Variants in ATP10B observed in about 807,000 individuals in gnomAD.
ATP10B encodes the protein phospholipid-transporting ATPase VB.
Under a neutral mutation model 141.2 loss-of-function variants are expected in ATP10B, and 122 were observed. The observed-to-expected ratio is 0.86, with a 90% CI of 0.75 to 1.00. The LOEUF (loss-of-function observed/expected upper bound fraction) is 1.00. Among genes scored for constraint, ATP10B ranks in the 50% least tolerant of loss-of-function variants. ATP10B has a pLI of 0.00. For synonymous variants in ATP10B, 685 were observed against 692.0 expected (o/e 0.99, Z 0.16); for missense variants, 1,876 against 1,825.3 (o/e 1.03, Z -0.51).
At chr5:160,598,264 A>G (rs923583272) in intron 22 of ATP10B, among the ~76,000 whole-genome samples, 1 of 152,060 alleles carries the variant, frequency 6.6e-6, no homozygotes, top group East Asian at 1.9e-4. Context: ...GGAAATCATC[A>G]TTCTCAGTAA....
chr5:160,688,405 C>T (rs1400257504), intron 4 of ATP10B, among the ~76,000 whole-genome samples: 1 of 152,128 alleles, frequency 6.6e-6, no homozygotes. Flanking sequence ...CACTGGAATA[C>T]GTGCCATGGG....
intron 2 of ATP10B, among the ~76,000 whole-genome samples, chr5:160,763,526 C>A (rs140246394): frequency 1.3e-5 from 2 of 151,996 alleles, no homozygotes; most frequent in Non-Finnish European, 2.9e-5. Flanking sequence ...ATAATAGTGA[C>A]AAAACCTATC....
intron 7 of ATP10B, among the ~76,000 whole-genome samples, chr5:160,666,586 T>TG (rs1341785949): frequency 1.3e-5 from 2 of 152,224 alleles, no homozygotes; most frequent in Non-Finnish European, 2.9e-5. Context: ...TCATATTACT[T>TG]GGCCTTGCAA....
At position 160,686,077 on chromosome 5, in the gene ATP10B, A is replaced by T. The variant is rs1480184091; in HGVS notation, c.470+2T>A. 6.4e-7 allele frequency: 1 copy of T among 1,554,282 alleles called. No individual in the cohort carries two copies. The highest frequency in any genetic ancestry group is 1.2e-5 in the South Asian group (1 of 82,512). On this transcript the variant is annotated splice_donor_variant, in intron 6 of 25. Coordinates refer to ENST00000327245, the MANE Select transcript of ATP10B (RefSeq NM_025153.3). LOFTEE classifies it high-confidence loss of function. ...AGAGAACACAGGGATGGTTTTTCTT[A>T]CCTTTCATAAATTCGAATGTTGGAG... is the stretch of plus-strand genomic sequence containing the variant.
intron 17 of ATP10B, among the ~76,000 whole-genome samples, chr5:160,613,446 A>G (rs566805195): frequency 6.6e-6 from 1 of 152,330 alleles, no homozygotes; most frequent in East Asian, 1.9e-4. Context: ...ATTTGGTGGT[A>G]GTGAAAGTTA....
At chr5:160,919,045 G>GC in the ATP10B span, among the ~76,000 whole-genome samples, 1 of 150,442 alleles carries the variant, frequency 6.6e-6, no homozygotes, top group African/African-American at 2.5e-5. Context: ...CTAACACGGT[G>GC]AAACCCCGTC....
At chr5:160,608,538 G>T (rs953299029) in intron 18 of ATP10B, among the ~76,000 whole-genome samples, 1 of 151,984 alleles carries the variant, frequency 6.6e-6, no homozygotes, top group Non-Finnish European at 1.5e-5. Context: ...TAGTTTACAC[G>T]CCCACCGATA....
At chr5:160,642,877 G>A (rs1380138763) in intron 9 of ATP10B, among the ~76,000 whole-genome samples, 1 of 152,290 alleles carries the variant, frequency 6.6e-6, no homozygotes, top group East Asian at 1.9e-4. Flanking sequence ...AGCCCGACTA[G>A]CTGGAGCCAT....
At chr5:160,735,018 A>T (rs1383716166) in intron 2 of ATP10B, among the ~76,000 whole-genome samples, 2 of 151,798 alleles carry the variant, frequency 1.3e-5, no homozygotes, top group Non-Finnish European at 2.9e-5. Flanking sequence ...ATGAAAAGCA[A>T]GAAACTAAAT....
chr5:160,640,335 A>G lies in ATP10B; in HGVS notation c.1000+126T>C, dbSNP rs11750573. 6,548 of 1,011,094 alleles carry G rather than the reference A, an allele frequency of 6.5e-3. 37 individuals carry two copies. Among genetic ancestry groups the G allele is most frequent in the Non-Finnish European group, 8.6e-3 (6,070 of 702,688 alleles). 62.6% of individuals were successfully genotyped at this position (1,011,094 alleles called of 1,614,324 possible). A position where few individuals can be genotyped will look rare whatever the true frequency, so the allele number is the denominator to read the frequency against. On this transcript the variant is annotated intron_variant, in intron 10 of 25. Coordinates refer to ENST00000327245, the MANE Select transcript of ATP10B (RefSeq NM_025153.3). ...TCTCTTGCATTTTCATTTCATTGGC[A>G]TCCCGTTAAAGTGGGCAGGGTAGGC...
At chr5:160,709,843 G>C (rs1248566965) in intron 3 of ATP10B, among the ~76,000 whole-genome samples, 1 of 113,568 alleles carries the variant, frequency 8.8e-6, no homozygotes, top group Non-Finnish European at 1.8e-5. Flanking sequence ...TCCCACCTAT[G>C]AGTGAGAATA....
At chr5:160,729,438 A>C (rs1245649533) in intron 2 of ATP10B, among the ~76,000 whole-genome samples, 1 of 152,196 alleles carries the variant, frequency 6.6e-6, no homozygotes, top group African/African-American at 2.4e-5. Context: ...AAGGATTACA[A>C]AGATGATTAT....
At chr5:160,853,959 A>G (rs1199641691), upstream of ATP10B, among the ~76,000 whole-genome samples, 2 of 152,124 alleles carry the variant, frequency 1.3e-5, no homozygotes, top group African/African-American at 2.4e-5. Context: ...TTTTGTATGT[A>G]TTTGCATTTC....
intron 2 of ATP10B, among the ~76,000 whole-genome samples, chr5:160,770,945 A>G (rs1389153303): frequency 6.6e-6 from 1 of 152,212 alleles, no homozygotes; most frequent in East Asian, 1.9e-4. Flanking sequence ...TGGACACCAT[A>G]CACTAGGTCT....
chr5:160,754,004 G>C (rs1768342722), intron 2 of ATP10B, among the ~76,000 whole-genome samples: 1 of 152,128 alleles, frequency 6.6e-6, no homozygotes, highest in African/African-American at 2.4e-5. Context: ...TATTACAAAA[G>C]AGAAAACTGA....
At chr5:160,569,977 G>T (rs2127593887) in intron 24 of ATP10B, among the ~76,000 whole-genome samples, 1 of 152,070 alleles carries the variant, frequency 6.6e-6, no homozygotes, top group African/African-American at 2.4e-5. Flanking sequence ...AACATAGCCT[G>T]TTTTTAAATG....
intron 2 of ATP10B, among the ~76,000 whole-genome samples, chr5:160,751,853 G>T (rs1325926269): frequency 6.6e-6 from 1 of 152,166 alleles, no homozygotes; most frequent in Non-Finnish European, 1.5e-5. Flanking sequence ...GAAAGAAAAA[G>T]TATATTTCAC....
At chr5:160,868,410 T>A in the ATP10B span, among the ~76,000 whole-genome samples, 1 of 151,988 alleles carries the variant, frequency 6.6e-6, no homozygotes, top group African/African-American at 2.4e-5. Context: ...CCACATACAT[T>A]GAACATTTTA....
intron 7 of ATP10B, among the ~76,000 whole-genome samples, chr5:160,653,076 A>C (rs1255070599): frequency 1.7e-5 from 2 of 119,100 alleles, no homozygotes; most frequent in Admixed American, 1.1e-4. Context: ...ATGTATATAT[A>C]GTGTATATAT....
Sources: gnomAD v4.1 joint callset for allele counts (sites outside exome capture counted in the v4.1 genomes callset) on GRCh38, gnomAD v4.1.1 for gene constraint, MANE v1.5 for transcripts, NCBI Gene and HGNC (gene_info 2026-07-23, HGNC 2026-07-21) for gene names.